SYBU: variants seen among roughly 807,000 people sequenced by gnomAD.
The protein encoded by SYBU is syntabulin.
Under a neutral mutation model 35.9 loss-of-function variants are expected in SYBU, and 21 were observed. The observed-to-expected ratio is 0.58, with a 90% CI of 0.41 to 0.84. The LOEUF is 0.84. SYBU is among the 40% of genes least tolerant of loss of function. The pLI, the probability that SYBU is intolerant of heterozygous loss-of-function variation, is 0.00. For missense variants in SYBU, 768 were observed against 848.2 expected, an observed-to-expected ratio of 0.91 and a Z score of 1.17; for synonymous variants, 319 against 324.3, an observed-to-expected ratio of 0.98 and a Z score of 0.18.
chr8:109,672,199 C>A (rs1326127587), intron 1 of SYBU, among the ~76,000 whole-genome samples: 1 of 152,058 alleles, frequency 6.6e-6, no homozygotes, highest in African/African-American at 2.4e-5. Context: ...CCAAGCCCAG[C>A]CAAAATACAT....
At chr8:109,602,470 A>T (rs1362394385) in intron 3 of SYBU, among the ~76,000 whole-genome samples, 1 of 135,836 alleles carries the variant, frequency 7.4e-6, no homozygotes, top group East Asian at 2.1e-4. Flanking sequence ...TTTCACTCCC[A>T]TCGTCCAGGC....
upstream of SYBU, chr8:109,644,869 C>T: frequency 1.8e-6 from 1 of 560,110 alleles, no homozygotes; most frequent in East Asian, 3.3e-5. Context: ...ACACGTGGTG[C>T]CGCACTCGCT....
rs915158575 is a variant in SYBU at position 109,574,054 on chromosome 8, A to G, written c.*852T>C. On this transcript the variant is annotated 3_prime_UTR_variant, in exon 7 of 7. Coordinates refer to ENST00000276646, the MANE Select transcript of SYBU (RefSeq NM_001099754.2). ...GGGTAGGAAATCTTCATTTTCTTTA[A>G]TAACTAACTCTTTTTCCCTCTTCCT... 2 of 152,186 alleles carry G rather than the reference A, an allele frequency of 1.3e-5. No individual in the cohort carries two copies. Among genetic ancestry groups the G allele is most frequent in the Non-Finnish European group, 2.9e-5 (2 of 68,028 alleles). The allele number at this position is 152,186 out of a possible 1,614,324, so 9.4% of individuals were successfully genotyped here.
At chr8:109,635,394 C>T (rs891342384) in intron 2 of SYBU, among the ~76,000 whole-genome samples, 3 of 152,086 alleles carry the variant, frequency 2.0e-5, no homozygotes, top group Non-Finnish European at 4.4e-5. Context: ...TTTCCTTTTC[C>T]TGCCTCCTCT....
At chr8:109,631,342 G>C (rs1301083261) in intron 2 of SYBU, among the ~76,000 whole-genome samples, 1 of 152,180 alleles carries the variant, frequency 6.6e-6, no homozygotes, top group East Asian at 1.9e-4. Flanking sequence ...GGAGAGTGGA[G>C]TAATTATTTA....
chr8:109,618,768 G>C lies in SYBU; in HGVS notation c.427+74C>G, dbSNP rs1014088624. The C allele has an allele frequency of 3.0e-6, 4 of 1,318,924 alleles. No homozygotes were observed. In the African/African-American group the frequency reaches 4.3e-5, roughly 14 times the overall value. 81.7% of individuals were successfully genotyped at this position (1,318,924 alleles called of 1,614,324 possible). On this transcript the variant is annotated intron_variant, in intron 3 of 6. Coordinates refer to ENST00000276646, the MANE Select transcript of SYBU (RefSeq NM_001099754.2). ...TTTGTGATCCCCGACTCGATATACAGGTGTTTAGTTTTAAACATGAAACTA... is the reference window on the plus strand; with the variant it reads ...TTTGTGATCCCCGACTCGATATACACGTGTTTAGTTTTAAACATGAAACTA...
chr8:109,686,825 T>C (rs1033095414), intron 1 of SYBU, among the ~76,000 whole-genome samples: 1 of 152,224 alleles, frequency 6.6e-6, no homozygotes, highest in African/African-American at 2.4e-5. Flanking sequence ...ATTTCATTCC[T>C]TATTTTCAGA....
At chr8:109,684,810 A>C (rs764642978), upstream of SYBU, among the ~76,000 whole-genome samples, 1 of 152,114 alleles carries the variant, frequency 6.6e-6, no homozygotes, top group Non-Finnish European at 1.5e-5. Flanking sequence ...CATAAACCCA[A>C]AGGATGGCTC....
intron 2 of SYBU, among the ~76,000 whole-genome samples, chr8:109,640,609 A>C (rs1396271716): frequency 6.6e-6 from 1 of 152,180 alleles, no homozygotes; most frequent in Admixed American, 6.5e-5. Context: ...AGATTCTAGG[A>C]ATACTAACTG....
chr8:109,592,050 A>C (rs1423415897), intron 3 of SYBU, among the ~76,000 whole-genome samples: 1 of 152,054 alleles, frequency 6.6e-6, no homozygotes, highest in Non-Finnish European at 1.5e-5. Flanking sequence ...ATTCAGGTGA[A>C]ACATGCAAAG....
chr8:109,593,293 G>A (rs530825680), intron 3 of SYBU, among the ~76,000 whole-genome samples: 7 of 152,198 alleles, frequency 4.6e-5, no homozygotes, highest in Non-Finnish European at 1.0e-4. Context: ...TGAACAATGA[G>A]TGAGCAGAAA....
At position 109,616,005 on chromosome 8, in the gene SYBU, TC is replaced by T. The variant is rs1334898855; in HGVS notation, c.427+2836del. 2.0e-4 allele frequency among the ~76,000 whole-genome samples: 25 copies of T among 122,704 alleles called. 1 individual carries two copies. In the South Asian group the frequency reaches 2.3e-3, roughly 11 times the overall value. The allele number at this position is 122,704 out of a possible 152,430, so 80.5% of individuals were successfully genotyped here. ...GTAATTTCTTTTCTTTTCTTTTCTT[TC>T]TTTTTTTTTTTTTTTTTTTTTTTGA... On this transcript the variant is annotated intron_variant, in intron 3 of 6. Coordinates refer to ENST00000276646, the MANE Select transcript of SYBU (RefSeq NM_001099754.2).
intron 1 of SYBU, 104 bp downstream of exon 1, chr8:109,644,532 C>A: frequency 7.3e-7 from 1 of 1,372,428 alleles, no homozygotes; most frequent in South Asian, 1.2e-5. Context: ...CCACCTTTCC[C>A]CAGACTCTAA....
intron 2 of SYBU, among the ~76,000 whole-genome samples, chr8:109,627,059 C>T (rs1447408869): frequency 6.6e-6 from 1 of 151,978 alleles, no homozygotes; most frequent in African/African-American, 2.4e-5. Context: ...CACTTAAAAA[C>T]ATTAATGGAG....
intron 4 of SYBU, chr8:109,585,762 T>C (rs1393108116): frequency 1.4e-5 from 4 of 294,668 alleles, no homozygotes; most frequent in Non-Finnish European, 2.5e-5. Context: ...TAGCTTCCTA[T>C]GCAGATGAGT....
At chr8:109,603,522 A>T (rs1825767647) in intron 3 of SYBU, 1 of 367,930 alleles carries the variant, frequency 2.7e-6, no homozygotes, top group Non-Finnish European at 3.8e-6. Context: ...TACACAAGTT[A>T]ACTTTTAAAT....
chr8:109,575,502 T>C lies in SYBU; in HGVS notation c.1396A>G (p.Asn466Asp), dbSNP rs760095575. 12 of 1,614,156 alleles carry C rather than the reference T, an allele frequency of 7.4e-6. No homozygotes were observed. In the Admixed American group the frequency reaches 1.7e-4, roughly 22 times the overall value. Residue 466 changes from asparagine to aspartate, a missense_variant, in exon 7 of 7, where the codon AAC becomes GAC. Transcript: ENST00000276646. ...ACTATGGGCAGCAGCTCCAGGACGT[T>C]AGCCCCAGGGGTGGAATGCACAAGC... ...LELVHSTPGA[N>D]VLELLPIVMG...
At chr8:109,621,028 T>C (rs894663386) in intron 2 of SYBU, among the ~76,000 whole-genome samples, 1 of 152,174 alleles carries the variant, frequency 6.6e-6, no homozygotes, top group Non-Finnish European at 1.5e-5. Context: ...ATTATTTCCT[T>C]ATGAGTCAGT....
intron 1 of SYBU, among the ~76,000 whole-genome samples, chr8:109,688,201 G>T (rs903184701): frequency 1.3e-5 from 2 of 152,102 alleles, no homozygotes; most frequent in African/African-American, 4.8e-5. Flanking sequence ...TCATAGGTGG[G>T]CATTATTCCT....
Sources: gnomAD v4.1 joint callset for allele counts (sites outside exome capture counted in the v4.1 genomes callset) on GRCh38, gnomAD v4.1.1 for gene constraint, MANE v1.5 for transcripts, NCBI Gene and HGNC (gene_info 2026-07-23, HGNC 2026-07-21) for gene names.